NFATC1: variants seen among roughly 807,000 people sequenced by gnomAD.
NFATC1 encodes nuclear factor of activated T cells 1, also known as nuclear factor of activated T-cells, cytoplasmic 1.
A neutral mutation model predicts 76.0 loss-of-function variants in NFATC1; 22 were observed. The observed-to-expected ratio is 0.29, with a 90% confidence interval of 0.21 to 0.41. The LOEUF (loss-of-function observed/expected upper bound fraction) is 0.41. Among genes scored for constraint, NFATC1 ranks in the 10% least tolerant of loss-of-function variants. The pLI, the probability that NFATC1 is intolerant of heterozygous loss-of-function variation, is 1.00. For synonymous variants in NFATC1, 704 were observed against 613.1 expected, an observed-to-expected ratio of 1.15 and a Z score of -2.19; for missense variants, 1,357 against 1,337.7, an observed-to-expected ratio of 1.01 and a Z score of -0.23.
At chr18:79,495,183 C>T (rs1600923623) in intron 9 of NFATC1, among the ~76,000 whole-genome samples, 1 of 152,234 alleles carries the variant, frequency 6.6e-6, no homozygotes, top group Admixed American at 6.5e-5. Context: ...CCCGCCGTGG[C>T]GTGCAGGCTG....
In NFATC1 at chr18:79,456,665, C is replaced by T. The variant is rs995380347; in HGVS notation, c.1904-4646C>T. Among the ~76,000 whole-genome samples the T allele has an allele frequency of 4.6e-5, 7 of 152,338 alleles. 1 individual carries two copies. In the South Asian group the frequency reaches 1.5e-3, roughly 32 times the overall value. On this transcript the variant is annotated intron_variant, in intron 6 of 9. Coordinates refer to ENST00000427363, the MANE Select transcript of NFATC1 (RefSeq NM_001278669.2). ...GGCCCTTGCTGTCCCTCCTCTGTCC[C>T]TTGTGGAAGGTCTCGGCCTGGGGCA...
chr18:79,518,365 C>T (rs1411332253), intron 9 of NFATC1, among the ~76,000 whole-genome samples: 4 of 152,226 alleles, frequency 2.6e-5, no homozygotes, highest in Non-Finnish European at 5.9e-5. Context: ...GGGCACACGC[C>T]CACAGTAGAA....
chr18:79,488,849 A>G lies in NFATC1; in HGVS notation c.2782+1912A>G, dbSNP rs1225262889. On this transcript the variant is annotated intron_variant, in intron 9 of 9. Coordinates refer to ENST00000427363, the MANE Select transcript of NFATC1 (RefSeq NM_001278669.2). ...GACCCACCAGCTCTGGGCTCCCACA[A>G]TTGGGTAGTGCCCTGCAGGCCCAGG... 3.3e-5 allele frequency among the ~76,000 whole-genome samples: 5 copies of G among 150,240 alleles called. No homozygotes were observed. The East Asian group carries it at 8.0e-4, about 24-fold the overall frequency.
At chr18:79,434,136 C>G (rs2086691360) in intron 3 of NFATC1, among the ~76,000 whole-genome samples, 1 of 152,226 alleles carries the variant, frequency 6.6e-6, no homozygotes, top group Admixed American at 6.5e-5. Flanking sequence ...CCCAGGCTTG[C>G]AGGATCCCAT....
rs143634137 is a variant in NFATC1 at position 79,526,228 on chromosome 18, G to A, written c.2783-1300G>A. ...AGCCTGCGAGCACCTGGGCCCTGTC[G>A]TTATCCTCCTTAGTGTTTGTGAAGA... On this transcript the variant is annotated intron_variant, in intron 9 of 9. Coordinates refer to ENST00000427363, the MANE Select transcript of NFATC1 (RefSeq NM_001278669.2). Among the ~76,000 whole-genome samples the A allele has an allele frequency of 5.5e-3, 843 of 152,168 alleles. 6 individuals carry two copies. Among genetic ancestry groups the A allele is most frequent in the South Asian group, 0.034 (165 of 4,832 alleles).
Position 79,410,179 on chromosome 18 carries a change from G to A in NFATC1, c.128-224G>A, listed in dbSNP as rs935999960. 11 of 768,262 alleles carry A rather than the reference G, an allele frequency of 1.4e-5. No individual in the cohort carries two copies. The highest frequency in any genetic ancestry group is 2.5e-5 in the Non-Finnish European group (11 of 431,510). 47.6% of individuals were successfully genotyped at this position (768,262 alleles called of 1,614,324 possible). A position where few individuals can be genotyped will look rare whatever the true frequency, so the allele number is the denominator to read the frequency against. On this transcript the variant is annotated intron_variant, in intron 1 of 9. Coordinates refer to ENST00000427363, the MANE Select transcript of NFATC1 (RefSeq NM_001278669.2). This position sits in a 1 kb window ranked among gnomAD's most constrained non-coding sequence, Gnocchi z 6.7. The stretch of plus-strand genomic sequence containing the variant: ...GCTGTTAGGGGAGGAGGGGAGGTGG[G>A]CAGTGAGGGGCTCACGGGAGCCTTG...
intron 6 of NFATC1, among the ~76,000 whole-genome samples, chr18:79,452,791 G>C (rs1277517321): frequency 6.6e-6 from 1 of 152,224 alleles, no homozygotes; most frequent in Non-Finnish European, 1.5e-5. Flanking sequence ...CCTCTGCCCA[G>C]GGTGCGCCAG....
At chr18:79,515,581 A>G (rs113811323) in intron 9 of NFATC1, among the ~76,000 whole-genome samples, 452 of 151,780 alleles carry the variant, frequency 3.0e-3, no homozygotes, top group African/African-American at 9.9e-3. Context: ...GCTGCTACAC[A>G]CTTCACATGG....
chr18:79,521,407 GT>G, intron 9 of NFATC1, among the ~76,000 whole-genome samples: 1 of 120,012 alleles, frequency 8.3e-6, no homozygotes, highest in South Asian at 3.2e-4. Flanking sequence ...GTCTGTGTGT[GT>G]GTGGGGGGCA....
At chr18:79,483,338 CAT>C (rs2089371265) in intron 8 of NFATC1, among the ~76,000 whole-genome samples, 2 of 123,998 alleles carry the variant, frequency 1.6e-5, no homozygotes, top group Admixed American at 8.3e-5. Flanking sequence ...GTCATTCCGG[CAT>C]GACCTGGTTC....
At chr18:79,438,321 G>A (rs534132926) in intron 3 of NFATC1, among the ~76,000 whole-genome samples, 12 of 152,314 alleles carry the variant, frequency 7.9e-5, no homozygotes, top group Non-Finnish European at 1.0e-4. Flanking sequence ...ACACTCTCCC[G>A]GAGGTGGCCG....
At chr18:79,500,305 A>G (rs981562706) in intron 9 of NFATC1, among the ~76,000 whole-genome samples, 10 of 152,228 alleles carry the variant, frequency 6.6e-5, no homozygotes, top group African/African-American at 2.2e-4. Flanking sequence ...GAGTGAAGTT[A>G]GAAAGTATAA....
chr18:79,429,727 C>G (rs538548096), intron 2 of NFATC1, among the ~76,000 whole-genome samples: 4 of 152,312 alleles, frequency 2.6e-5, no homozygotes, highest in South Asian at 4.1e-4. Flanking sequence ...AAATTTCTAA[C>G]CAAAACCAAT....
At chr18:79,484,598 A>G (rs2089441579) in intron 8 of NFATC1, among the ~76,000 whole-genome samples, 1 of 152,188 alleles carries the variant, frequency 6.6e-6, no homozygotes, top group South Asian at 2.1e-4. Flanking sequence ...TGGATGATAG[A>G]AAGATTTGAA....
At chr18:79,466,902 C>T (rs963345824) in intron 7 of NFATC1, among the ~76,000 whole-genome samples, 4 of 152,218 alleles carry the variant, frequency 2.6e-5, no homozygotes, top group Admixed American at 6.5e-5. Flanking sequence ...TGGCTGGCGG[C>T]GGAGCCTTGG....
chr18:79,451,984 G>A (rs1600755728), intron 6 of NFATC1, 168 bp downstream of exon 6: 1 of 760,482 alleles, frequency 1.3e-6, no homozygotes. Context: ...CCGGCTGTGG[G>A]TTTTTGTGTG....
At chr18:79,526,458 G>C (rs1339283189) in intron 9 of NFATC1, among the ~76,000 whole-genome samples, 1 of 152,240 alleles carries the variant, frequency 6.6e-6, no homozygotes, top group East Asian at 1.9e-4. Context: ...CTCCCACACG[G>C]GACAGAGTCG....
chr18:79,448,119 T>C (rs1034897060), intron 3 of NFATC1, among the ~76,000 whole-genome samples: 4 of 152,174 alleles, frequency 2.6e-5, no homozygotes, highest in African/African-American at 9.7e-5. Context: ...CGAGAAGCCA[T>C]GAGCGGCTCT....
intron 9 of NFATC1, among the ~76,000 whole-genome samples, chr18:79,498,502 A>T (rs1018183176): frequency 3.4e-5 from 5 of 148,048 alleles, no homozygotes; most frequent in African/African-American, 1.3e-4. Context: ...AACAGAAAGA[A>T]GAAAGAATCA....
Sources: gnomAD v4.1 joint callset for allele counts (sites outside exome capture counted in the v4.1 genomes callset) on GRCh38, gnomAD v4.1.1 for gene constraint, Gnocchi (gnomAD v3.1) non-coding constraint, MANE v1.5 for transcripts, NCBI Gene and HGNC (gene_info 2026-07-23, HGNC 2026-07-21) for gene names.